The following KDM6A variants were observed in gnomAD, a reference collection of about 807,000 sequenced individuals.
KDM6A encodes lysine-specific demethylase 6A.
KDM6A carries 11 observed loss-of-function variants against 117.6 expected under a neutral mutation model. That is an observed-to-expected ratio of 0.09 (90% CI 0.06 to 0.15). The LOEUF (loss-of-function observed/expected upper bound fraction) is 0.15, where lower values mean the gene tolerates loss of function less well. Ranked by LOEUF, KDM6A falls within the 10% of genes least tolerant of loss-of-function variation. The probability of loss-of-function intolerance (pLI) is 1.00; values close to 1 mark genes in which losing one functional copy is unlikely to be tolerated. For synonymous variants in KDM6A, 384 were observed against 396.1 expected, an observed-to-expected ratio of 0.97 and a Z score of 0.36; for missense variants, 799 against 1,077.3, an observed-to-expected ratio of 0.74 and a Z score of 3.62.
Position 44,880,886 on chromosome X carries a change from G to A in KDM6A, c.225+6899G>A, listed in dbSNP as rs764200223. ...GTTTAAACTACCATGTCTATAGTTAGAAGAGATACTTGTAAAGGCCTTTCT... is the reference window on the plus strand; with the variant it reads ...GTTTAAACTACCATGTCTATAGTTAAAAGAGATACTTGTAAAGGCCTTTCT... On this transcript the variant is annotated intron_variant, in intron 2 of 29. Coordinates refer to ENST00000611820, the MANE Select transcript of KDM6A (RefSeq NM_001291415.2). Among the ~76,000 whole-genome samples, 262 of 112,202 alleles carry A rather than the reference G, an allele frequency of 2.3e-3. 1 individual carries two copies. Among genetic ancestry groups the A allele is most frequent in the African/African-American group, 8.1e-3 (251 of 30,927 alleles).
intron 9 of KDM6A, among the ~76,000 whole-genome samples, chrX:45,053,014 C>T (rs1271375490): frequency 2.7e-5 from 3 of 111,104 alleles, no homozygotes; most frequent in Non-Finnish European, 5.7e-5. Context: ...ATATAGGGTG[C>T]GAATATATGT....
intron 18 of KDM6A, among the ~76,000 whole-genome samples, chrX:45,072,048 T>G (rs945241398): frequency 1.8e-5 from 2 of 112,270 alleles, no homozygotes; most frequent in Admixed American, 9.4e-5. Flanking sequence ...GTGCTGGGAT[T>G]ACAGGCGTGA....
intron 4 of KDM6A, among the ~76,000 whole-genome samples, chrX:44,995,441 AAATG>A (rs1449893517): frequency 7.2e-5 from 8 of 111,077 alleles, no homozygotes; most frequent in Non-Finnish European, 1.9e-5. Flanking sequence ...AAGGAAATAT[AAATG>A]AAATTGTTGG....
chrX:44,881,090 C>G (rs1418670550), intron 2 of KDM6A, among the ~76,000 whole-genome samples: 2 of 112,299 alleles, frequency 1.8e-5, no homozygotes, highest in Non-Finnish European at 3.8e-5. Context: ...TCATTGCTGA[C>G]TTTATTTTGA....
intron 2 of KDM6A, among the ~76,000 whole-genome samples, chrX:44,902,396 C>CTT (rs370587724): frequency 2.0e-5 from 2 of 102,099 alleles, no homozygotes; most frequent in Admixed American, 1.1e-4. Flanking sequence ...CCATTTCTAC[C>CTT]TTTTTTTTTT....
chrX:45,015,298 A>G (rs934213736), intron 5 of KDM6A, among the ~76,000 whole-genome samples: 1 of 109,564 alleles, frequency 9.1e-6, no homozygotes, highest in Admixed American at 9.7e-5. Flanking sequence ...TTTTTTTTGT[A>G]GAGATGAGGT....
intron 2 of KDM6A, among the ~76,000 whole-genome samples, chrX:44,899,388 C>T (rs111444750): frequency 0.041 from 4,325 of 106,099 alleles, 81 homozygotes; most frequent in Middle Eastern, 0.087. Flanking sequence ...GCTATATGCC[C>T]GGCTCCACTG....
chrX:45,037,543 A>G (rs1025868687), intron 7 of KDM6A, 112 bp from the exon 8 acceptor site: 31 of 581,284 alleles, frequency 5.3e-5, no homozygotes, highest in Non-Finnish European at 8.4e-5. Context: ...TATTACTTAA[A>G]TCTATATAGT....
At chrX:44,876,930 T>C (rs2031650033) in intron 2 of KDM6A, among the ~76,000 whole-genome samples, 1 of 111,495 alleles carries the variant, frequency 9.0e-6, no homozygotes, top group African/African-American at 3.3e-5. Flanking sequence ...CATATACATA[T>C]ACGCATATAC....
chrX:44,889,448 CTT>C (rs764360420), intron 2 of KDM6A, among the ~76,000 whole-genome samples: 2 of 111,872 alleles, frequency 1.8e-5, no homozygotes, highest in East Asian at 5.6e-4. Context: ...ACTCATAACT[CTT>C]AAGGAAACAC....
rs928070003 is a variant in KDM6A at position 45,111,640 on chromosome X, T to G, written c.*229T>G. 1 of 375,780 alleles carries G rather than the reference T, an allele frequency of 2.7e-6. No individual in the cohort carries two copies. Among genetic ancestry groups the G allele is most frequent in the African/African-American group, 2.5e-5 (1 of 39,228 alleles). The allele number at this position is 375,780 out of a possible 1,213,427, so 31.0% of individuals were successfully genotyped here. On this transcript the variant is annotated 3_prime_UTR_variant, in exon 30 of 30. Coordinates refer to ENST00000611820, the MANE Select transcript of KDM6A (RefSeq NM_001291415.2). The stretch of plus-strand genomic sequence containing the variant: ...CTTCAGAAAAAAATAATAATTTCCA[T>G]GTTTTGTATATATCTGACAAAACTG...
At position 44,957,377 on chromosome X, in the gene KDM6A, C is replaced by G. The variant is rs760993838; in HGVS notation, c.226-3907C>G. 2.7e-5 allele frequency among the ~76,000 whole-genome samples: 3 copies of G among 111,713 alleles called. 1 individual carries two copies. In the South Asian group the frequency reaches 1.1e-3, roughly 41 times the overall value. On this transcript the variant is annotated intron_variant, in intron 2 of 29. Transcript: ENST00000611820. ...CGTCCTGTTTTAGCAAGGCACTGAC[C>G]AAGTTCATCATAAAAGATTAATACT...
intron 21 of KDM6A, among the ~76,000 whole-genome samples, chrX:45,080,432 C>T (rs2045347338): frequency 8.9e-6 from 1 of 112,063 alleles, no homozygotes; most frequent in Non-Finnish European, 1.9e-5. Context: ...ACAAAGTGAA[C>T]ATAATACATC....
At chrX:45,028,023 TC>T (rs1476036522) in intron 6 of KDM6A, among the ~76,000 whole-genome samples, 1 of 109,841 alleles carries the variant, frequency 9.1e-6, no homozygotes, top group African/African-American at 3.3e-5. Flanking sequence ...AAACTCCTGA[TC>T]TTAGGCGATC....
chrX:44,996,722 G>A (rs180772867), intron 4 of KDM6A, among the ~76,000 whole-genome samples: 6 of 111,105 alleles, frequency 5.4e-5, no homozygotes, highest in African/African-American at 2.0e-4. Context: ...TGAAAAATAT[G>A]TAACAGGTTA....
chrX:44,918,643 A>G (rs2035709981), intron 2 of KDM6A, among the ~76,000 whole-genome samples: 5 of 111,969 alleles, frequency 4.5e-5, no homozygotes, highest in African/African-American at 6.5e-5. Flanking sequence ...ACTGCTTTAT[A>G]TAAGTGAAAT....
At chrX:44,962,872 G>A (rs1406226100) in intron 3 of KDM6A, among the ~76,000 whole-genome samples, 2 of 112,110 alleles carry the variant, frequency 1.8e-5, no homozygotes, top group Non-Finnish European at 3.8e-5. Flanking sequence ...GTTGATATGT[G>A]CTGAGTGATC....
intron 18 of KDM6A, among the ~76,000 whole-genome samples, chrX:45,073,132 C>A (rs2044942387): frequency 1.8e-5 from 2 of 110,566 alleles, no homozygotes; most frequent in Admixed American, 9.7e-5. Context: ...ATTTGGTTTT[C>A]CGTCCTTGTG....
intron 18 of KDM6A, among the ~76,000 whole-genome samples, chrX:45,071,854 C>T (rs1047190720): frequency 2.7e-5 from 3 of 110,983 alleles, no homozygotes; most frequent in African/African-American, 9.9e-5. Context: ...ACCGCACGCT[C>T]TGCCTCCCAG....
Sources: allele counts gnomAD v4.1 joint callset (sites outside exome capture counted in the v4.1 genomes callset), GRCh38; gene constraint gnomAD v4.1.1; transcripts MANE v1.5; gene names NCBI Gene and HGNC (gene_info 2026-07-23, HGNC 2026-07-21).